LONP1: variants seen among roughly 807,000 people sequenced by gnomAD.
LONP1 encodes the protein lon protease homolog, mitochondrial.
Under a neutral mutation model 98.5 loss-of-function variants are expected in LONP1, and 31 were observed. The ratio of observed to expected loss-of-function variants is 0.31; its 90% CI spans 0.24 to 0.42. LONP1 has a LOEUF of 0.42. LONP1 is among the 20% of genes least tolerant of loss of function. The probability of loss-of-function intolerance (pLI) is 1.00; values close to 1 mark genes in which losing one functional copy is unlikely to be tolerated. For missense variants in LONP1, 1,336 were observed against 1,350.6 expected, an observed-to-expected ratio of 0.99 and a Z score of 0.17; for synonymous variants, 781 against 594.7, an observed-to-expected ratio of 1.31 and a Z score of -4.56.
chr19:5,714,331 C>T (rs2055281354), intron 1 of LONP1, 60 bp from the exon 2 acceptor site: 1 of 1,175,000 alleles, frequency 8.5e-7, no homozygotes, highest in Admixed American at 1.8e-5. Flanking sequence ...GAGACAGAGT[C>T]TCATTCTGTT....
At chr19:5,694,698 GGGTGATCAGCGTGGGATGGTGA>G in intron 14 of LONP1, 41 bp downstream of exon 14, 2 of 1,574,388 alleles carry the variant, frequency 1.3e-6, no homozygotes, top group Non-Finnish European at 1.7e-6. Flanking sequence ...TGGAAAGGTG[GGGTGATCAGCGTGGGATGGTGA>G]GGTGGGCGGC....
rs142511312 is a variant in LONP1 at position 5,696,333 on chromosome 19, C to T, written c.1812G>A (p.Ser604=). Reference sequence around the variant, plus strand: ...GGTCCAGCAGCTCCAGCAGTGCCGACGACGGGTCCCCCTGGTAGCCTCGGC... The same window carrying T: ...GGTCCAGCAGCTCCAGCAGTGCCGATGACGGGTCCCCCTGGTAGCCTCGGC... ...KIGRGYQGDP[S]SALLELLDPE... is the part of the protein sequence containing the mutation. The change falls in exon 12 of 18, where the codon TCG becomes TCA. Residue 604 remains serine, a synonymous_variant. Coordinates refer to ENST00000360614, the MANE Select transcript of LONP1 (RefSeq NM_004793.4). 56 of 1,613,184 alleles carry T rather than the reference C, an allele frequency of 3.5e-5. No homozygotes were observed. The highest frequency in any genetic ancestry group is 3.3e-4 in the Middle Eastern group (2 of 6,084).
At position 5,696,095 on chromosome 19, in the gene LONP1, C is replaced by T. The variant is rs200204116; in HGVS notation, c.1972G>A (p.Val658Met). ...TTCTCCTGGGCCACGTAGCCCGACA[C>T]GTTGATCATCTCCATACGGTCTCGC... ...PLRDRMEMINVSGYVAQEKLA... is the reference protein window; with the variant it reads ...PLRDRMEMINMSGYVAQEKLA... The change falls in exon 13 of 18, where the codon GTG becomes ATG. Residue 658 changes from valine to methionine, a missense_variant. Around this residue, in one of 5 missense-constraint regions of LONP1, gnomAD observed 555 missense variants for 542.6 expected, o/e 1.02. Coordinates refer to ENST00000360614, the MANE Select transcript of LONP1 (RefSeq NM_004793.4). The T allele has an allele frequency of 6.8e-6, 11 of 1,612,948 alleles. No homozygotes were observed. The highest frequency in any genetic ancestry group is 2.2e-5 in the East Asian group (1 of 44,874).
intron 6 of LONP1, 96 bp from the exon 7 acceptor site, chr19:5,707,239 G>T: frequency 1.1e-6 from 1 of 940,518 alleles, no homozygotes. Flanking sequence ...GAGAGATGCT[G>T]CCGGGAGGAC....
intron 9 of LONP1, among the ~76,000 whole-genome samples, chr19:5,699,767 T>C (rs2055008469): frequency 6.6e-6 from 1 of 150,790 alleles, no homozygotes; most frequent in Non-Finnish European, 1.5e-5. Flanking sequence ...ACCATGTTGG[T>C]CAGGCTGGTC....
chr19:5,703,334 G>C (rs966108637), intron 8 of LONP1, among the ~76,000 whole-genome samples: 7 of 152,194 alleles, frequency 4.6e-5, no homozygotes, highest in African/African-American at 1.7e-4. Flanking sequence ...CCACAGAGGG[G>C]ACGAGGCTTA....
chr19:5,720,427 C>T, upstream of LONP1: 1 of 581,748 alleles, frequency 1.7e-6, no homozygotes, highest in Non-Finnish European at 3.0e-6. Context: ...CGTTTAGGAA[C>T]TCATGAGCAG....
intron 2 of LONP1, 104 bp downstream of exon 2, chr19:5,714,079 T>C: frequency 1.2e-6 from 1 of 823,730 alleles, no homozygotes; most frequent in Non-Finnish European, 1.9e-6. Context: ...TTCCCTGGTT[T>C]CCTCGGGGTC....
chr19:5,699,365 C>T (rs373136760), intron 9 of LONP1, among the ~76,000 whole-genome samples, 160 bp from the exon 10 acceptor site: 111 of 152,248 alleles, frequency 7.3e-4, no homozygotes, highest in East Asian at 2.1e-3. Flanking sequence ...CCACTGGCCA[C>T]GGGGAGGGGC....
At chr19:5,701,220 C>T (rs1025033827) in intron 8 of LONP1, among the ~76,000 whole-genome samples, 1 of 152,166 alleles carries the variant, frequency 6.6e-6, no homozygotes, top group African/African-American at 2.4e-5. Context: ...CCGAGGCAGG[C>T]GGATCACAAG....
intron 1 of LONP1, among the ~76,000 whole-genome samples, chr19:5,717,891 CTTTTTTT>C (rs532198283): frequency 3.4e-4 from 45 of 133,248 alleles, no homozygotes; most frequent in Non-Finnish European, 5.3e-4. Flanking sequence ...TTCTTTCTTT[CTTTTTTT>C]TTTTTTTTTT....
At position 5,692,808 on chromosome 19, in the gene LONP1, CTCG is replaced by C. The variant is rs1196022460; in HGVS notation, c.2703+487_2703+489del. Among the ~76,000 whole-genome samples, 11 of 152,272 alleles carry C rather than the reference CTCG, an allele frequency of 7.2e-5. No individual in the cohort carries two copies. In the East Asian group the frequency reaches 1.5e-3, roughly 21 times the overall value. ...GTCACAGCCACTTGACCATGCCTCC[CTCG>C]TGGTGGCATCTCCTGACTGACTGCA... On this transcript the variant is annotated intron_variant, in intron 17 of 17. Transcript: ENST00000360614.
At chr19:5,715,047 A>AG (rs2055294247) in intron 1 of LONP1, 1 of 67,700 alleles carries the variant, frequency 1.5e-5, no homozygotes, top group African/African-American at 5.3e-5. Flanking sequence ...ACGCCTAAAC[A>AG]AAAAAAAAAA....
In LONP1 at chr19:5,694,462, G is replaced by A. The variant is rs2145578983; in HGVS notation, c.2245C>T (p.Pro749Ser). 4.3e-6 allele frequency: 7 copies of A among 1,613,406 alleles called. No individual in the cohort carries two copies. The highest frequency in any genetic ancestry group is 5.1e-6 in the Non-Finnish European group (6 of 1,180,022). ...PENLQDFVGK[P>S]VFTVERMYDV... ...TACATGCGCTCCACGGTGAACACGG[G>A]CTTCCCCACGAAGTCCTGCAGGTTC... Residue 749 changes from proline to serine, a missense_variant, in exon 15 of 18, where the codon CCC (proline) becomes TCC (serine). Pro to Ser is a moderately conservative substitution (Grantham distance 74). Coordinates refer to ENST00000360614, the MANE Select transcript of LONP1 (RefSeq NM_004793.4).
chr19:5,694,976 G>A, intron 13 of LONP1, 75 bp from the exon 14 acceptor site: 2 of 1,509,114 alleles, frequency 1.3e-6, no homozygotes, highest in Non-Finnish European at 9.0e-7. Context: ...GGGAGCCAAT[G>A]CCTCTCCCAT....
intron 13 of LONP1, among the ~76,000 whole-genome samples, 168 bp downstream of exon 13, chr19:5,695,886 C>T (rs2054917187): frequency 6.6e-6 from 1 of 152,176 alleles, no homozygotes; most frequent in African/African-American, 2.4e-5. Flanking sequence ...CCACCTGCAG[C>T]TGCTCGCAAG....
intron 8 of LONP1, among the ~76,000 whole-genome samples, chr19:5,701,658 A>C (rs1261438382): frequency 1.3e-5 from 2 of 152,120 alleles, no homozygotes; most frequent in Non-Finnish European, 2.9e-5. Flanking sequence ...GCTGGAGTGC[A>C]GTGGCGTGAT....
chr19:5,699,790 C>G (rs1377110578), intron 9 of LONP1, among the ~76,000 whole-genome samples: 3 of 151,838 alleles, frequency 2.0e-5, no homozygotes, highest in African/African-American at 4.8e-5. Flanking sequence ...GAACTCCTGA[C>G]CTTGTGATCC....
rs530275345 is a variant in LONP1, at chr19:5,708,257, C to G, written c.932+85G>C. ...CAGGCAAGGTTTCCTCCCAGGAGGA[C>G]GCTGAGGAAGCCCCCTACCCACCCA... On this transcript the variant is annotated intron_variant, in intron 5 of 17. Coordinates refer to ENST00000360614, the MANE Select transcript of LONP1 (RefSeq NM_004793.4). 1.0e-3 allele frequency: 1,368 copies of G among 1,364,698 alleles called. 16 individuals are homozygous for G. In the South Asian group the frequency reaches 0.016, roughly 16 times the overall value. The allele number at this position is 1,364,698 out of a possible 1,614,324, so 84.5% of individuals were successfully genotyped here.
Sources: gnomAD v4.1 joint callset for allele counts (sites outside exome capture counted in the v4.1 genomes callset) on GRCh38, gnomAD v4.1.1 for gene constraint, gnomAD v4.1.1 regional missense constraint, MANE v1.5 for transcripts, NCBI Gene and HGNC (gene_info 2026-07-23, HGNC 2026-07-21) for gene names.